Variants in IQSEC1 observed in about 807,000 individuals in gnomAD.
IQSEC1 encodes IQ motif and Sec7 domain ArfGEF 1.
A neutral mutation model predicts 91.0 loss-of-function variants in IQSEC1; 31 were observed. That is an observed-to-expected ratio of 0.34 (90% CI 0.26 to 0.46). IQSEC1 has a LOEUF of 0.46. Among genes scored for constraint, IQSEC1 ranks in the 20% least tolerant of loss-of-function variants. The probability of loss-of-function intolerance (pLI) is 1.00; values close to 1 mark genes in which losing one functional copy is unlikely to be tolerated. For synonymous variants in IQSEC1, 699 were observed against 662.6 expected, an observed-to-expected ratio of 1.05 and a Z score of -0.84; for missense variants, 1,388 against 1,575.6, an observed-to-expected ratio of 0.88 and a Z score of 2.02.
In IQSEC1 at chr3:13,143,285, G is replaced by A. The variant is rs527648453; in HGVS notation, c.302+20819C>T. ...GCAGGCCTCGAAGCTGGGGGTGGTG[G>A]GGACCCCAAATCTTAGCTTCAGACA... On this transcript the variant is annotated intron_variant, in intron 2 of 15. Transcript: ENST00000648114. 2.6e-3 allele frequency among the ~76,000 whole-genome samples: 392 copies of A among 152,302 alleles called. 1 individual carries two copies. The highest frequency in any genetic ancestry group is 6.8e-3 in the Middle Eastern group (2 of 294).
chr3:13,138,071 C>G (rs1425312383), intron 2 of IQSEC1, among the ~76,000 whole-genome samples: 1 of 152,134 alleles, frequency 6.6e-6, no homozygotes, highest in Non-Finnish European at 1.5e-5. Context: ...GCACTCCTCC[C>G]TCTGAGCCTG....
intron 1 of IQSEC1, among the ~76,000 whole-genome samples, chr3:13,202,005 G>GC (rs1204826658): frequency 2.6e-5 from 4 of 152,200 alleles, no homozygotes; most frequent in Non-Finnish European, 5.9e-5. Flanking sequence ...CCAATCCACA[G>GC]TGACACTCCA....
intron 1 of IQSEC1, among the ~76,000 whole-genome samples, chr3:12,952,211 C>T (rs549737956): frequency 8.5e-4 from 130 of 152,240 alleles, no homozygotes; most frequent in African/African-American, 3.0e-3. Context: ...CCGGACATCC[C>T]GCTGTCCAGG....
chr3:13,075,235 G>A (rs1705545035), upstream of IQSEC1, among the ~76,000 whole-genome samples: 1 of 152,130 alleles, frequency 6.6e-6, no homozygotes, highest in African/African-American at 2.4e-5. Context: ...CTCACTTTGT[G>A]TCAGGTCCAG....
chr3:12,964,088 T>G (rs578196173), intron 1 of IQSEC1, among the ~76,000 whole-genome samples: 1 of 152,190 alleles, frequency 6.6e-6, no homozygotes, highest in Non-Finnish European at 1.5e-5. Context: ...GCAGCCAGGA[T>G]AGTGGCAGGT....
At chr3:13,200,026 T>TCA (rs1446486819) in intron 1 of IQSEC1, among the ~76,000 whole-genome samples, 1 of 132,756 alleles carries the variant, frequency 7.5e-6, no homozygotes, top group Non-Finnish European at 1.6e-5. Flanking sequence ...CACATGTACA[T>TCA]CACACACACC....
chr3:13,177,682 G>A (rs73029497), intron 1 of IQSEC1, among the ~76,000 whole-genome samples: 10,501 of 152,244 alleles, frequency 0.069, 394 homozygotes, highest in Non-Finnish European at 0.082. Context: ...GTCCCCCGCC[G>A]GGCCTTCTGC....
rs1694075059 is a variant in IQSEC1 at position 13,193,674 on chromosome 3, G to C, written c.273-29541C>G. Among the ~76,000 whole-genome samples, 2 of 152,142 alleles carry C rather than the reference G, an allele frequency of 1.3e-5. No homozygotes were observed. The highest frequency in any genetic ancestry group is 2.9e-5 in the Non-Finnish European group (2 of 68,028). On this transcript the variant is annotated intron_variant, in intron 1 of 15. Transcript: ENST00000648114. The surrounding 1 kb of genome is among the most constrained non-coding windows in gnomAD (Gnocchi z 4.2). ...AGAACACTTAAGATGCGGGAAAGAG[G>C]CAGTTGGAGACCAAAGGCTGATGTC...
chr3:13,212,577 A>C (rs755347603), intron 1 of IQSEC1, among the ~76,000 whole-genome samples: 10 of 152,218 alleles, frequency 6.6e-5, no homozygotes, highest in Admixed American at 2.0e-4. Flanking sequence ...CTAACTGCTC[A>C]AGGTGCTGCC....
At chr3:12,939,265 A>C (rs1698531180) in intron 2 of IQSEC1, among the ~76,000 whole-genome samples, 1 of 152,216 alleles carries the variant, frequency 6.6e-6, no homozygotes, top group Non-Finnish European at 1.5e-5. Context: ...TCCGGCCCTC[A>C]CTTGTCCCTT....
chr3:13,190,340 G>T (rs557313527), intron 1 of IQSEC1, among the ~76,000 whole-genome samples: 1 of 152,334 alleles, frequency 6.6e-6, no homozygotes, highest in East Asian at 1.9e-4. Context: ...GGGAGGCCAA[G>T]GTGGGAGGAT....
chr3:13,211,361 T>A lies in IQSEC1; in HGVS notation c.273-47228A>T, dbSNP rs1160381401. ...CTAATAGCGTGCCCATGAAATTTAC[T>A]GAATTAGGAAGGGAGGGAGGAAATA... On this transcript the variant is annotated intron_variant, in intron 1 of 15. Transcript: ENST00000648114. The surrounding 1 kb of genome is among the most constrained non-coding windows in gnomAD (Gnocchi z 5.3). 6.6e-6 allele frequency among the ~76,000 whole-genome samples: 1 copy of A among 152,198 alleles called. No individual in the cohort carries two copies. The highest frequency in any genetic ancestry group is 1.9e-4 in the East Asian group (1 of 5,196).
intron 1 of IQSEC1, among the ~76,000 whole-genome samples, chr3:12,988,736 G>T (rs1420684298): frequency 6.6e-6 from 1 of 152,120 alleles, no homozygotes; most frequent in Non-Finnish European, 1.5e-5. Flanking sequence ...CCCATGCAGT[G>T]GTCACACGCA....
intron 2 of IQSEC1, among the ~76,000 whole-genome samples, chr3:12,938,283 G>A (rs554310306): frequency 6.6e-6 from 1 of 152,362 alleles, no homozygotes; most frequent in East Asian, 1.9e-4. Flanking sequence ...CGAGGAGCGA[G>A]GGGTCTGTCA....
chr3:13,279,627 G>A (rs1170888572), intron 1 of IQSEC1, among the ~76,000 whole-genome samples: 1 of 152,218 alleles, frequency 6.6e-6, no homozygotes, highest in Non-Finnish European at 1.5e-5. Context: ...CCCCCCTCGA[G>A]TCACTGCACC....
At chr3:13,155,987 T>C (rs1426114291) in intron 2 of IQSEC1, among the ~76,000 whole-genome samples, 1 of 150,540 alleles carries the variant, frequency 6.6e-6, no homozygotes, top group African/African-American at 2.4e-5. Flanking sequence ...GGGAGGCCAA[T>C]GCGGGTGGAT....
At chr3:13,084,561 C>T (rs1219288427) in intron 2 of IQSEC1, among the ~76,000 whole-genome samples, 1 of 152,192 alleles carries the variant, frequency 6.6e-6, no homozygotes, top group Non-Finnish European at 1.5e-5. Flanking sequence ...TGACGGGTGC[C>T]ATGATGGCCC....
chr3:12,907,370 C>T (rs886392370), intron 12 of IQSEC1, among the ~76,000 whole-genome samples: 4 of 152,176 alleles, frequency 2.6e-5, no homozygotes, highest in Admixed American at 2.0e-4. Flanking sequence ...GGCAGGCAAC[C>T]CCAGGAATGG....
intron 2 of IQSEC1, among the ~76,000 whole-genome samples, chr3:13,156,789 G>T (rs1707091801): frequency 6.6e-6 from 1 of 152,188 alleles, no homozygotes; most frequent in South Asian, 2.1e-4. Flanking sequence ...TCTGAAGGGG[G>T]ATTGGACTGA....
Sources: allele counts gnomAD v4.1 joint callset (sites outside exome capture counted in the v4.1 genomes callset), GRCh38; gene constraint gnomAD v4.1.1; non-coding constraint Gnocchi (gnomAD v3.1); transcripts MANE v1.5; gene names NCBI Gene and HGNC (gene_info 2026-07-23, HGNC 2026-07-21).